ZFPM2: variants seen among roughly 807,000 people sequenced by gnomAD.
ZFPM2 encodes the protein zinc finger protein, FOG family member 2.
A neutral mutation model predicts 98.6 loss-of-function variants in ZFPM2; 20 were observed. That is an observed-to-expected ratio of 0.20 (90% CI 0.14 to 0.29). The LOEUF (loss-of-function observed/expected upper bound fraction) is 0.29. ZFPM2 is among the 10% of genes least tolerant of loss of function. ZFPM2 has a pLI of 1.00. For synonymous variants in ZFPM2, 518 were observed against 502.7 expected, an observed-to-expected ratio of 1.03 and a Z score of -0.41; for missense variants, 1,310 against 1,388.6, an observed-to-expected ratio of 0.94 and a Z score of 0.90.
At chr8:105,429,973 C>A (rs771508224) in intron 2 of ZFPM2, among the ~76,000 whole-genome samples, 2 of 152,036 alleles carry the variant, frequency 1.3e-5, no homozygotes, top group Non-Finnish European at 2.9e-5. Context: ...CAATGATAGA[C>A]CTAGGACAGT....
At chr8:105,504,938 G>GA (rs1813667080) in intron 3 of ZFPM2, among the ~76,000 whole-genome samples, 2 of 127,452 alleles carry the variant, frequency 1.6e-5, no homozygotes, top group African/African-American at 7.8e-5. Flanking sequence ...ATTTCAAAAA[G>GA]AAAAAAGTAT....
intron 5 of ZFPM2, among the ~76,000 whole-genome samples, chr8:105,766,270 T>C (rs1002269519): frequency 6.6e-6 from 1 of 151,942 alleles, no homozygotes; most frequent in Non-Finnish European, 1.5e-5. Context: ...CTCTCACTCA[T>C]CTGTGTTCCC....
chr8:105,487,888 GTCTGTCTA>G (rs1466300149), intron 3 of ZFPM2, among the ~76,000 whole-genome samples: 1 of 82,816 alleles, frequency 1.2e-5, no homozygotes. Flanking sequence ...TATAAAGTCT[GTCTGTCTA>G]TCTATCTATC....
chr8:105,546,430 G>A (rs559944112), intron 3 of ZFPM2, among the ~76,000 whole-genome samples: 281 of 151,854 alleles, frequency 1.9e-3, no homozygotes, highest in African/African-American at 6.3e-3. Flanking sequence ...TTAGACGGGC[G>A]TGGTGGTGCA....
chr8:105,402,747 G>T (rs994382263), intron 1 of ZFPM2, among the ~76,000 whole-genome samples: 1 of 151,952 alleles, frequency 6.6e-6, no homozygotes, highest in African/African-American at 2.4e-5. Context: ...TCTTTAGCTA[G>T]TTTGTGGTCC....
At chr8:105,636,036 G>A (rs966559985) in intron 5 of ZFPM2, among the ~76,000 whole-genome samples, 2 of 151,982 alleles carry the variant, frequency 1.3e-5, no homozygotes, top group Non-Finnish European at 2.9e-5. Flanking sequence ...TAACCTAATG[G>A]TAATTCTATA....
rs150792072 is a variant in ZFPM2, at chr8:105,685,392, C to T, written c.532+51035C>T. On this transcript the variant is annotated intron_variant, in intron 5 of 7. Transcript: ENST00000407775. ...GCAGAAAATAAAACCAGCAAGGGGA[C>T]CATGAGTTGCCTCATAAAACTTTTT... 5.7e-3 allele frequency among the ~76,000 whole-genome samples: 863 copies of T among 152,126 alleles called. 3 individuals are homozygous for T. Among genetic ancestry groups the T allele is most frequent in the South Asian group, 0.02 (97 of 4,822 alleles).
chr8:105,559,782 T>A (rs1815088768), intron 3 of ZFPM2, among the ~76,000 whole-genome samples: 1 of 152,134 alleles, frequency 6.6e-6, no homozygotes, highest in South Asian at 2.1e-4. Flanking sequence ...AGGTTGGCAG[T>A]GTTTCTTTTT....
chr8:105,603,339 A>G (rs1686049480), intron 4 of ZFPM2, among the ~76,000 whole-genome samples: 1 of 152,124 alleles, frequency 6.6e-6, no homozygotes, highest in South Asian at 2.1e-4. Flanking sequence ...TATACATAAT[A>G]TACTAATCTA....
chr8:105,601,622 C>T (rs1167827755), intron 4 of ZFPM2, among the ~76,000 whole-genome samples: 2 of 152,022 alleles, frequency 1.3e-5, no homozygotes, highest in Non-Finnish European at 2.9e-5. Context: ...CCCTCTCTGT[C>T]TTTTGTTCCC....
intron 3 of ZFPM2, among the ~76,000 whole-genome samples, chr8:105,534,515 T>C (rs147659488): frequency 0.01 from 1,553 of 151,992 alleles, 27 homozygotes; most frequent in African/African-American, 0.035. Flanking sequence ...CCTCTGTTTT[T>C]GTCTGTCTTC....
intron 3 of ZFPM2, among the ~76,000 whole-genome samples, chr8:105,542,134 T>C (rs1023453634): frequency 5.9e-5 from 9 of 152,148 alleles, no homozygotes; most frequent in African/African-American, 1.9e-4. Flanking sequence ...AAATGGTTAT[T>C]TTGCTAGCTT....
At chr8:105,715,813 G>T (rs1811510672) in intron 5 of ZFPM2, among the ~76,000 whole-genome samples, 1 of 152,016 alleles carries the variant, frequency 6.6e-6, no homozygotes, top group Non-Finnish European at 1.5e-5. Context: ...AACAAGCATT[G>T]TAGATTCTTG....
chr8:105,330,556 A>C (rs1451406937), intron 1 of ZFPM2, among the ~76,000 whole-genome samples: 2 of 123,444 alleles, frequency 1.6e-5, no homozygotes, highest in Admixed American at 8.3e-5. Flanking sequence ...ATATATACAT[A>C]TATATATATA....
intron 1 of ZFPM2, among the ~76,000 whole-genome samples, chr8:105,361,737 T>C (rs1365461319): frequency 1.3e-5 from 2 of 152,204 alleles, no homozygotes; most frequent in Admixed American, 6.5e-5. Context: ...ATAGATTCTA[T>C]ATTCAGTCAT....
chr8:105,406,673 C>CA (rs1811465831), intron 1 of ZFPM2, among the ~76,000 whole-genome samples: 1 of 151,926 alleles, frequency 6.6e-6, no homozygotes, highest in African/African-American at 2.4e-5. Flanking sequence ...ACCTGGATGG[C>CA]AGACTGAAAG....
At chr8:105,469,511 C>G (rs1812857664) in intron 3 of ZFPM2, among the ~76,000 whole-genome samples, 1 of 152,178 alleles carries the variant, frequency 6.6e-6, no homozygotes, top group Admixed American at 6.5e-5. Context: ...TGCATGCATG[C>G]ATTCACACAA....
At chr8:105,456,245 C>T (rs775483170) in intron 3 of ZFPM2, among the ~76,000 whole-genome samples, 2 of 147,892 alleles carry the variant, frequency 1.4e-5, no homozygotes, top group Non-Finnish European at 3.0e-5. Context: ...TAAGAATTTC[C>T]TCAAATTTAA....
chr8:105,619,556 T>C (rs940285455), intron 4 of ZFPM2, among the ~76,000 whole-genome samples: 3 of 152,136 alleles, frequency 2.0e-5, no homozygotes, highest in Non-Finnish European at 4.4e-5. Flanking sequence ...AATCATACTT[T>C]AAGTTCTAGG....
Sources: allele counts gnomAD v4.1 joint callset (sites outside exome capture counted in the v4.1 genomes callset), GRCh38; gene constraint gnomAD v4.1.1; transcripts MANE v1.5; gene names NCBI Gene and HGNC (gene_info 2026-07-23, HGNC 2026-07-21).